Variants in RBPJ observed in about 807,000 individuals in gnomAD.
RBPJ encodes recombination signal binding protein for immunoglobulin kappa J region, also known as recombining binding protein suppressor of hairless.
RBPJ carries 9 observed loss-of-function variants against 67.8 expected under a neutral mutation model. That is an observed-to-expected ratio of 0.13 (90% CI 0.08 to 0.23). The LOEUF (loss-of-function observed/expected upper bound fraction) is 0.23, where lower values mean the gene tolerates loss of function less well. Among genes scored for constraint, RBPJ ranks in the 10% least tolerant of loss-of-function variants. The pLI is 1.00. For missense variants in RBPJ, 305 were observed against 595.6 expected, an observed-to-expected ratio of 0.51 and a Z score of 5.08; for synonymous variants, 198 against 203.3, an observed-to-expected ratio of 0.97 and a Z score of 0.22.
chr4:26,263,652 A>G (rs1319462275), intron 1 of RBPJ, among the ~76,000 whole-genome samples: 1 of 151,730 alleles, frequency 6.6e-6, no homozygotes, highest in African/African-American at 2.4e-5. Context: ...GCTCACTGCA[A>G]CCTCCACTTC....
chr4:26,154,854 C>G, the RBPJ span, among the ~76,000 whole-genome samples: 1 of 152,184 alleles, frequency 6.6e-6, no homozygotes, highest in Non-Finnish European at 1.5e-5. Context: ...ACAACCAGCT[C>G]TTGCTTTAAC....
At chr4:26,222,465 A>C (rs1212554712) in intron 1 of RBPJ, among the ~76,000 whole-genome samples, 1 of 147,172 alleles carries the variant, frequency 6.8e-6, no homozygotes, top group East Asian at 2.0e-4. Context: ...ACTGCACTCT[A>C]GCTTGGGCGA....
At chr4:26,345,959 C>T (rs1248184662) in intron 1 of RBPJ, among the ~76,000 whole-genome samples, 1 of 152,134 alleles carries the variant, frequency 6.6e-6, no homozygotes, top group African/African-American at 2.4e-5. Context: ...GGAGATTTCA[C>T]TTGTTACTAA....
At chr4:26,213,124 A>T (rs1200032372) in intron 1 of RBPJ, among the ~76,000 whole-genome samples, 1 of 152,186 alleles carries the variant, frequency 6.6e-6, no homozygotes, top group African/African-American at 2.4e-5. Context: ...TACTCTCACA[A>T]ATTAATCAAG....
chr4:26,349,936 G>A (rs866255792), intron 1 of RBPJ, among the ~76,000 whole-genome samples: 1 of 152,042 alleles, frequency 6.6e-6, no homozygotes, highest in Admixed American at 6.6e-5. Flanking sequence ...GTTTTATTTC[G>A]GTTAAAGCAG....
At chr4:26,273,958 A>C (rs1721001391) in intron 1 of RBPJ, among the ~76,000 whole-genome samples, 1 of 152,056 alleles carries the variant, frequency 6.6e-6, no homozygotes, top group African/African-American at 2.4e-5. Flanking sequence ...GAGGAAAAAA[A>C]GTTTGTTCTT....
intron 1 of RBPJ, among the ~76,000 whole-genome samples, chr4:26,342,746 A>G (rs1725678410): frequency 6.6e-6 from 1 of 152,234 alleles, no homozygotes; most frequent in African/African-American, 2.4e-5. Context: ...GTTGCTAGTC[A>G]TGAAACACAT....
Position 26,374,543 on chromosome 4 carries a change from C to T in RBPJ, c.21-11810C>T, listed in dbSNP as rs189138595. Among the ~76,000 whole-genome samples the T allele has an allele frequency of 1.0e-3, 151 of 151,208 alleles. 2 individuals are homozygous for T. Among genetic ancestry groups the T allele is most frequent in the African/African-American group, 3.4e-3 (140 of 41,166 alleles). ...AGGCTGGAGTGCAGTGGCACCATTTCGGCTCACTGCAACCTCCATCCCCCA... is the reference window on the plus strand; with the variant it reads ...AGGCTGGAGTGCAGTGGCACCATTTTGGCTCACTGCAACCTCCATCCCCCA... On this transcript the variant is annotated intron_variant, in intron 1 of 10. Coordinates refer to ENST00000355476, the MANE Select transcript of RBPJ (RefSeq NM_015874.6).
the RBPJ span, among the ~76,000 whole-genome samples, chr4:26,139,874 CTCTATAT>C: frequency 6.6e-6 from 1 of 152,180 alleles, no homozygotes; most frequent in East Asian, 1.9e-4. Context: ...TTTAAGAAGA[CTCTATAT>C]TCTACAAAGA....
chr4:26,245,163 TCA>T lies in RBPJ; in HGVS notation c.-167+81550_-167+81551del, dbSNP rs1577353829. ...AACACTATCCATTAGCAGTCATTCC[TCA>T]TTCTTTCTTCTCTCCAGTCCCTGGC... On this transcript the variant is annotated intron_variant, in intron 1 of 4. Transcript: ENST00000512351. 2.0e-5 allele frequency among the ~76,000 whole-genome samples: 3 copies of T among 150,976 alleles called. No homozygotes were observed. In the East Asian group the frequency reaches 5.8e-4, roughly 29 times the overall value.
upstream of RBPJ, among the ~76,000 whole-genome samples, chr4:26,318,149 A>ACC (rs1347794835): frequency 6.6e-6 from 1 of 151,562 alleles, no homozygotes; most frequent in African/African-American, 2.4e-5. Context: ...ACACACACAC[A>ACC]CCCCTAAAAC....
Position 26,342,713 on chromosome 4 carries a change from AAGG to A in RBPJ, c.20+21666_20+21668del, listed in dbSNP as rs1725674167. On this transcript the variant is annotated intron_variant, in intron 1 of 10. Transcript: ENST00000355476. ...CTGTTTCACTATACAATTTTGGAAG[AAGG>A]GTTTGTGCAAAAAACACAGGTTGCT... Among the ~76,000 whole-genome samples the A allele has an allele frequency of 2.6e-5, 4 of 152,198 alleles. No individual in the cohort carries two copies. In the South Asian group the frequency reaches 8.3e-4, roughly 32 times the overall value.
At chr4:26,311,045 T>C (rs1051274223) in intron 1 of RBPJ, among the ~76,000 whole-genome samples, 14 of 152,242 alleles carry the variant, frequency 9.2e-5, no homozygotes, top group African/African-American at 2.7e-4. Flanking sequence ...AGTTATGGAC[T>C]TGTTGAGTAA....
chr4:26,171,911 G>T (rs16878155), intron 1 of RBPJ, among the ~76,000 whole-genome samples: 2,009 of 152,308 alleles, frequency 0.013, 52 homozygotes, highest in African/African-American at 0.046. Flanking sequence ...TGACTACACT[G>T]TTAGGTCCGT....
At chr4:26,407,325 G>A (rs1201533177) in intron 3 of RBPJ, among the ~76,000 whole-genome samples, 1 of 152,124 alleles carries the variant, frequency 6.6e-6, no homozygotes, top group Non-Finnish European at 1.5e-5. Context: ...TCTTGTTTGG[G>A]TTGCTATTAA....
At chr4:26,155,884 A>G in the RBPJ span, among the ~76,000 whole-genome samples, 1 of 152,188 alleles carries the variant, frequency 6.6e-6, no homozygotes, top group Non-Finnish European at 1.5e-5. Flanking sequence ...TCCAATCACG[A>G]AATTGACCAT....
the RBPJ span, among the ~76,000 whole-genome samples, chr4:26,157,340 G>A: frequency 6.6e-6 from 1 of 152,100 alleles, no homozygotes; most frequent in Non-Finnish European, 1.5e-5. Context: ...TGCTGAAGCA[G>A]AAGGATCACT....
intron 1 of RBPJ, among the ~76,000 whole-genome samples, chr4:26,329,119 G>T (rs1056529238): frequency 7.9e-5 from 12 of 152,090 alleles, no homozygotes; most frequent in Admixed American, 7.9e-4. Flanking sequence ...TCAGCCTCCC[G>T]AGTAGTTGGG....
At position 26,331,277 on chromosome 4, in the gene RBPJ, G is replaced by A. The variant is rs78504751; in HGVS notation, c.20+10229G>A. 4.9e-3 allele frequency among the ~76,000 whole-genome samples: 741 copies of A among 152,186 alleles called. 10 individuals are homozygous for A. The highest frequency in any genetic ancestry group is 0.017 in the African/African-American group (719 of 41,530). On this transcript the variant is annotated intron_variant, in intron 1 of 10. Coordinates refer to ENST00000355476, the MANE Select transcript of RBPJ (RefSeq NM_015874.6). ...ATGCCTAGCTGGGTTTTGTAGAGAC[G>A]GAGTTTTCCATGTTGCCCAGGCTGA... is the stretch of plus-strand genomic sequence containing the variant.
Sources: allele counts gnomAD v4.1 joint callset (sites outside exome capture counted in the v4.1 genomes callset), GRCh38; gene constraint gnomAD v4.1.1; transcripts MANE v1.5; gene names NCBI Gene and HGNC (gene_info 2026-07-23, HGNC 2026-07-21).